Variants in GRK3 observed in about 807,000 individuals in gnomAD.
The protein encoded by GRK3 is adrenergic, beta, receptor kinase 2.
In GRK3, 54 loss-of-function variants were observed where a neutral mutation model predicts 95.7. The observed-to-expected ratio is 0.56, with a 90% CI of 0.45 to 0.71. The LOEUF (loss-of-function observed/expected upper bound fraction) is 0.71, where lower values mean the gene tolerates loss of function less well. Among genes scored for constraint, GRK3 ranks in the 30% least tolerant of loss-of-function variants. The pLI is 0.00. For synonymous variants in GRK3, 281 were observed against 290.8 expected, an observed-to-expected ratio of 0.97 and a Z score of 0.34; for missense variants, 649 against 851.2, an observed-to-expected ratio of 0.76 and a Z score of 2.96.
chr22:25,635,878 T>G lies in GRK3; in HGVS notation c.191-8714T>G, dbSNP rs2084697343. 2.6e-5 allele frequency among the ~76,000 whole-genome samples: 4 copies of G among 152,346 alleles called. No homozygotes were observed. The South Asian group carries it at 6.2e-4, about 24-fold the overall frequency. On this transcript the variant is annotated intron_variant, in intron 2 of 20. Coordinates refer to ENST00000324198, the MANE Select transcript of GRK3 (RefSeq NM_005160.4). ...TCAGTTTTCTGACTCCATCATTCAT[T>G]CCATAGTTTTTGACTGGCATTTGAC...
Position 25,687,540 on chromosome 22 carries a change from G to T in GRK3, c.830G>T (p.Gly277Val). Residue 277 changes from glycine (G) to valine (V), a missense_variant, in exon 11 of 21, where the codon GGC becomes GTC. Around this residue, in one of 3 missense-constraint regions of GRK3, gnomAD observed 61 missense variants for 126.0 expected, o/e 0.48. Transcript: ENST00000324198. ...LCFILDLMNG[G>V]DLHYHLSQHG... The stretch of plus-strand genomic sequence containing the variant: ...TAAATTCTGAATCTGATTCCAGGGG[G>T]CGATTTGCACTACCACCTTTCACAA... 1.9e-6 allele frequency: 3 copies of T among 1,612,872 alleles called. No individual in the cohort carries two copies. Among genetic ancestry groups the T allele is most frequent in the Non-Finnish European group, 2.5e-6 (3 of 1,179,568 alleles).
At chr22:25,596,948 C>G (rs536386630) in intron 1 of GRK3, among the ~76,000 whole-genome samples, 1 of 152,228 alleles carries the variant, frequency 6.6e-6, no homozygotes, top group East Asian at 1.9e-4. Context: ...GAATAATTTC[C>G]TTCTACTGTG....
At chr22:25,604,885 A>T (rs2084433543) in intron 2 of GRK3, among the ~76,000 whole-genome samples, 7 of 152,222 alleles carry the variant, frequency 4.6e-5, no homozygotes, top group Admixed American at 4.6e-4. Context: ...TTCCATGATT[A>T]ATAGACATAG....
rs573072228 is a variant in GRK3 at position 25,648,400 on chromosome 22, C to T, written c.264+3735C>T. On this transcript the variant is annotated intron_variant, in intron 3 of 20. Transcript: ENST00000324198. ...GTGAAACCTCAGATTCAAGGTCTAG[C>T]AAAAGATGCTTGGGAAATCCCTTGA... The T allele has an allele frequency of 1.6e-4, 208 of 1,286,392 alleles. 1 individual carries two copies. The highest frequency in any genetic ancestry group is 2.1e-4 in the Non-Finnish European group (185 of 884,070). The allele number at this position is 1,286,392 out of a possible 1,614,324, so 79.7% of individuals were successfully genotyped here.
chr22:25,718,938 AAC>A (rs2085408634), intron 19 of GRK3, among the ~76,000 whole-genome samples: 1 of 152,240 alleles, frequency 6.6e-6, no homozygotes, highest in Non-Finnish European at 1.5e-5. Context: ...GAAAAAAAAC[AAC>A]ACAGTCTAAC....
intron 2 of GRK3, among the ~76,000 whole-genome samples, chr22:25,621,326 C>T (rs1028293263): frequency 6.6e-6 from 1 of 152,210 alleles, no homozygotes; most frequent in African/African-American, 2.4e-5. Context: ...GGGTTATGGG[C>T]ACCTTACTCA....
chr22:25,655,312 T>C (rs1181211083), intron 3 of GRK3, among the ~76,000 whole-genome samples: 1 of 152,178 alleles, frequency 6.6e-6, no homozygotes, highest in Non-Finnish European at 1.5e-5. Context: ...AATGTCTACG[T>C]TGGCCAAACC....
chr22:25,608,533 A>T (rs759490839), intron 2 of GRK3, among the ~76,000 whole-genome samples: 8 of 152,194 alleles, frequency 5.3e-5, no homozygotes, highest in Non-Finnish European at 1.0e-4. Context: ...AGCAGCAAGG[A>T]GGAAGTCAGA....
intron 3 of GRK3, among the ~76,000 whole-genome samples, chr22:25,661,120 A>G (rs138099618): frequency 6.6e-6 from 1 of 152,218 alleles, no homozygotes; most frequent in Non-Finnish European, 1.5e-5. Context: ...ATCTCTTTGC[A>G]GGAATTCTGG....
chr22:25,572,292 A>G (rs1931729600), intron 1 of GRK3, among the ~76,000 whole-genome samples: 1 of 152,164 alleles, frequency 6.6e-6, no homozygotes, highest in South Asian at 2.1e-4. Flanking sequence ...AGTCTTTGCT[A>G]TTGTAAATAG....
rs777799414 is a variant in GRK3 at position 25,667,746 on chromosome 22, T to G, written c.449T>G (p.Ile150Arg). Reference sequence around the variant, plus strand: ...CTTTTCCATCTCTTCCAGCCATACATAGAAGAAATTTGTGAAAGCCTTCGA... The same window carrying G: ...CTTTTCCATCTCTTCCAGCCATACAGAGAAGAAATTTGTGAAAGCCTTCGA... ...QVTSTLFQPY[I>R]EEICESLRGD... Residue 150 changes from isoleucine to arginine, a missense_variant, in exon 6 of 21, where the codon ATA (isoleucine) becomes AGA (arginine). Ile to Arg is a moderately conservative substitution (Grantham distance 97, BLOSUM62 -3). Coordinates refer to ENST00000324198, the MANE Select transcript of GRK3 (RefSeq NM_005160.4). The G allele has an allele frequency of 6.2e-7, 1 of 1,610,822 alleles. No individual in the cohort carries two copies. The highest frequency in any genetic ancestry group is 8.5e-7 in the Non-Finnish European group (1 of 1,177,562).
Position 25,722,562 on chromosome 22 carries a change from C to A in GRK3, c.*112C>A. ...CGCTACCGGGACTCCTCCAGGCTCCCGAGAGGAGTCGGGACCCTTCGGCTT... is the reference window on the plus strand; with the variant it reads ...CGCTACCGGGACTCCTCCAGGCTCCAGAGAGGAGTCGGGACCCTTCGGCTT... On this transcript the variant is annotated 3_prime_UTR_variant, in exon 21 of 21. Transcript: ENST00000324198. 1.7e-6 allele frequency: 2 copies of A among 1,168,240 alleles called. No individual in the cohort carries two copies. Among genetic ancestry groups the A allele is most frequent in the East Asian group, 2.5e-5 (1 of 39,454 alleles). 72.4% of individuals were successfully genotyped at this position (1,168,240 alleles called of 1,614,324 possible).
chr22:25,599,604 A>C (rs2146336176), intron 1 of GRK3, among the ~76,000 whole-genome samples: 1 of 151,710 alleles, frequency 6.6e-6, no homozygotes, highest in Middle Eastern at 3.4e-3. Context: ...AAAAAAAAAA[A>C]AAGAAAAGAA....
At chr22:25,599,032 C>T (rs2084390609) in intron 1 of GRK3, among the ~76,000 whole-genome samples, 1 of 152,016 alleles carries the variant, frequency 6.6e-6, no homozygotes, top group African/African-American at 2.4e-5. Flanking sequence ...AAACCAAAAT[C>T]CCTTAGATAT....
At chr22:25,592,419 A>G (rs1405344960) in intron 1 of GRK3, among the ~76,000 whole-genome samples, 1 of 152,166 alleles carries the variant, frequency 6.6e-6, no homozygotes, top group Non-Finnish European at 1.5e-5. Flanking sequence ...TTCTCTCGGC[A>G]TGTGGCTTGT....
intron 15 of GRK3, among the ~76,000 whole-genome samples, chr22:25,705,871 CTCTT>C (rs1331017432): frequency 6.6e-6 from 1 of 152,164 alleles, no homozygotes; most frequent in African/African-American, 2.4e-5. Context: ...AGCTTTGAAA[CTCTT>C]ACTTTATTGT....
intron 13 of GRK3, among the ~76,000 whole-genome samples, chr22:25,702,134 G>A (rs1339338638): frequency 6.6e-6 from 1 of 151,130 alleles, no homozygotes; most frequent in Non-Finnish European, 1.5e-5. Flanking sequence ...ATGGCAATTA[G>A]TTTGTGTTTC....
intron 10 of GRK3, among the ~76,000 whole-genome samples, chr22:25,686,221 C>CA (rs150613134): frequency 0.013 from 1,386 of 103,652 alleles, 17 homozygotes; most frequent in African/African-American, 0.039. Flanking sequence ...GACTCCGTCT[C>CA]AAAAAAAAAA....
chr22:25,684,435 C>A (rs952661821), intron 9 of GRK3: 6 of 152,186 alleles, frequency 3.9e-5, no homozygotes, highest in African/African-American at 1.4e-4. Flanking sequence ...ACACTGAAAT[C>A]TTTACAATTG....
Sources: allele counts gnomAD v4.1 joint callset (sites outside exome capture counted in the v4.1 genomes callset), GRCh38; gene constraint gnomAD v4.1.1; regional missense constraint gnomAD v4.1.1; transcripts MANE v1.5; gene names NCBI Gene and HGNC (gene_info 2026-07-23, HGNC 2026-07-21).